CARS2: variants seen among roughly 807,000 people sequenced by gnomAD.
The protein encoded by CARS2 is probable cysteine--tRNA ligase, mitochondrial.
A neutral mutation model predicts 68.8 loss-of-function variants in CARS2; 52 were observed. The observed-to-expected ratio is 0.76, with a 90% CI of 0.61 to 0.95. The LOEUF (loss-of-function observed/expected upper bound fraction) is 0.95. Ranked by LOEUF, CARS2 falls within the 40% of genes least tolerant of loss-of-function variation. The probability of loss-of-function intolerance (pLI) is 0.00; values close to 1 mark genes in which losing one functional copy is unlikely to be tolerated. For missense variants in CARS2, 780 were observed against 754.2 expected (o/e 1.03, Z -0.40); for synonymous variants, 314 against 303.6 (o/e 1.03, Z -0.36).
At chr13:110,677,453 C>T (rs1253772608) in intron 6 of CARS2, among the ~76,000 whole-genome samples, 1 of 149,834 alleles carries the variant, frequency 6.7e-6, no homozygotes, top group East Asian at 2.0e-4. Flanking sequence ...CACAATCACC[C>T]CACCACGGAC....
rs77124736 is a variant in CARS2 at position 110,689,202 on chromosome 13, C to A, written c.394-1184G>T. Among the ~76,000 whole-genome samples the A allele has an allele frequency of 9.4e-4, 143 of 152,366 alleles. 1 individual carries two copies. The East Asian group carries it at 0.026, about 28-fold the overall frequency. ...TCTACATGAACAGATGCACAAGACACTGTGAAGCTCTGGAATGGAGCCGGG... is the reference window on the plus strand; with the variant it reads ...TCTACATGAACAGATGCACAAGACAATGTGAAGCTCTGGAATGGAGCCGGG... On this transcript the variant is annotated intron_variant, in intron 3 of 14. Transcript: ENST00000257347.
rs74127066 is a variant in CARS2 at position 110,646,185 on chromosome 13, G to A, written c.1194-95C>T. On this transcript the variant is annotated intron_variant, in intron 11 of 14. Coordinates refer to ENST00000257347, the MANE Select transcript of CARS2 (RefSeq NM_024537.4). ...CCTTCCCCAGGGAGAGACGCTGGGG[G>A]CTCTAATCTGGGGACTTTCTCTAGG... 4.0e-3 allele frequency: 5,638 copies of A among 1,407,696 alleles called. 217 individuals are homozygous for A. In the African/African-American group the frequency reaches 0.073, roughly 18 times the overall value. The allele number at this position is 1,407,696 out of a possible 1,614,324, so 87.2% of individuals were successfully genotyped here.
intron 3 of CARS2, among the ~76,000 whole-genome samples, chr13:110,691,404 T>C (rs2139876813): frequency 6.6e-6 from 1 of 152,366 alleles, no homozygotes; most frequent in African/African-American, 2.4e-5. Flanking sequence ...GGTTGTTTCA[T>C]GAAATGTAAA....
intron 4 of CARS2, 31 bp from the exon 5 acceptor site, chr13:110,687,857 C>T (rs1345613888): frequency 5.1e-6 from 8 of 1,571,620 alleles, no homozygotes; most frequent in South Asian, 1.1e-5. Flanking sequence ...GACCGTGTTT[C>T]CCTCGTGAGA....
chr13:110,658,367 G>C (rs935103968), intron 9 of CARS2, among the ~76,000 whole-genome samples: 3 of 152,152 alleles, frequency 2.0e-5, no homozygotes, highest in Non-Finnish European at 2.9e-5. Context: ...CCAAGGCCTG[G>C]GGAAAGGGGA....
At chr13:110,648,826 T>C (rs2062118547) in intron 10 of CARS2, 1 of 152,190 alleles carries the variant, frequency 6.6e-6, no homozygotes, top group African/African-American at 2.4e-5. Context: ...CAAAAAGAAC[T>C]GCACACAATT....
rs1887455785 is a variant in CARS2, at chr13:110,642,315, C to A, written c.1623G>T (p.Lys541Asn). The A allele has an allele frequency of 6.5e-7, 1 of 1,549,116 alleles. No homozygotes were observed. The highest frequency in any genetic ancestry group is 2.0e-5 in the Admixed American group (1 of 50,952). ...TCCCTGACCTTGGTGCGGCACTCAC[C>A]TTGATGTTGATGCCGTGGGCAGTCA... ...RGLTAHGINI[K>N]DRSSTTSTWE... Residue 541 changes from lysine (K) to asparagine (N), a missense_variant and splice_region_variant, in exon 14 of 15, where the codon AAG becomes AAT. Lys to Asn is a moderately conservative substitution (Grantham distance 94, BLOSUM62 0). Coordinates refer to ENST00000257347, the MANE Select transcript of CARS2 (RefSeq NM_024537.4).
chr13:110,642,431 C>A lies in CARS2; in HGVS notation c.1507G>T (p.Ala503Ser). The A allele has an allele frequency of 6.2e-7, 1 of 1,605,542 alleles. No homozygotes were observed. The highest frequency in any genetic ancestry group is 8.5e-7 in the Non-Finnish European group (1 of 1,176,544). ...GCGTCCCCCGTGGCCTCGGGCATGG[C>A]CAGCGCAAACTGCCGGACCTTCTGC... ...FRQKVRQFAL[A>S]MPEATGDARR... is the part of the protein sequence containing the mutation. Residue 503 changes from alanine (A) to serine (S), a missense_variant, in exon 14 of 15, where the codon GCC becomes TCC. Transcript: ENST00000257347.
chr13:110,642,866 C>A (rs184342934), intron 13 of CARS2: 98 of 544,288 alleles, frequency 1.8e-4, no homozygotes, highest in African/African-American at 1.6e-3. Context: ...GTATCAGGAG[C>A]AACCTGAGGA....
At chr13:110,655,572 A>T (rs982615852) in intron 9 of CARS2, among the ~76,000 whole-genome samples, 2 of 152,232 alleles carry the variant, frequency 1.3e-5, no homozygotes, top group Admixed American at 1.3e-4. Flanking sequence ...ATGTGTGCAC[A>T]CACACACCTG....
Position 110,647,216 on chromosome 13 carries a change from T to A in CARS2, c.1078A>T (p.Met360Leu), listed in dbSNP as rs747585829. ...AGGAGCAGCTGCTGAGCTTGGAGCA[T>A]GGCGCTGTCACTGTAGTCGATGGCT... ...RSAIDYSDSA[M>L]LQAQQLLLGL... is the part of the protein sequence containing the mutation. The change falls in exon 11 of 15, where the codon ATG becomes TTG. Residue 360 changes from methionine to leucine, a missense_variant. Physicochemically the swap from Met to Leu is conservative, Grantham distance 15 (BLOSUM62 2). Transcript: ENST00000257347. 1 of 1,613,212 alleles carries A rather than the reference T, an allele frequency of 6.2e-7. No individual in the cohort carries two copies. Among genetic ancestry groups the A allele is most frequent in the South Asian group, 1.1e-5 (1 of 91,054 alleles).
chr13:110,686,408 A>G (rs2063306271), intron 5 of CARS2, among the ~76,000 whole-genome samples: 2 of 151,360 alleles, frequency 1.3e-5, no homozygotes, highest in African/African-American at 4.9e-5. Context: ...ATGCCTAGCT[A>G]ATTTTTATAT....
intron 5 of CARS2, among the ~76,000 whole-genome samples, chr13:110,683,947 C>T (rs2063225053): frequency 6.6e-6 from 1 of 152,204 alleles, no homozygotes; most frequent in Non-Finnish European, 1.5e-5. Flanking sequence ...AGAACCTTCT[C>T]CAGAGCCTCC....
chr13:110,710,268 G>A (rs2064016082), upstream of CARS2, among the ~76,000 whole-genome samples: 1 of 152,146 alleles, frequency 6.6e-6, no homozygotes, highest in South Asian at 2.1e-4. Flanking sequence ...CGTAATCCCA[G>A]CTACTCAGGA....
intron 12 of CARS2, 181 bp from the exon 13 acceptor site, chr13:110,644,664 T>C: frequency 1.9e-6 from 2 of 1,041,174 alleles, no homozygotes; most frequent in African/African-American, 1.6e-5. Context: ...CATACAACTA[T>C]AGGTGCATGA....
intron 2 of CARS2, among the ~76,000 whole-genome samples, chr13:110,702,359 A>G (rs1398671762): frequency 2.6e-5 from 4 of 152,212 alleles, no homozygotes; most frequent in African/African-American, 9.6e-5. Flanking sequence ...TCAACAAGAT[A>G]ATTAACCTCT....
Position 110,688,013 on chromosome 13 carries a change from A to G in CARS2, c.399T>C (p.Asn133=). The G allele has an allele frequency of 6.2e-7, 1 of 1,607,606 alleles. No homozygotes were observed. The change falls in exon 4 of 15, where the codon AAT becomes AAC. Residue 133 remains asparagine, a synonymous_variant. Transcript: ENST00000257347. ...GACTGGCGAGGGAAGCGGGGGAAAT[A>G]TTCATCTGCAGAAGGATTAGATGTG... ...DKIIKRANEM[N]ISPASLASLY...
In CARS2 at chr13:110,644,486, G is replaced by A; in HGVS notation, c.1318-3C>T. 1 of 1,613,976 alleles carries A rather than the reference G, an allele frequency of 6.2e-7. No individual in the cohort carries two copies. The highest frequency in any genetic ancestry group is 8.5e-7 in the Non-Finnish European group (1 of 1,179,980). ...GGACTTCTCGGCCCTTCAGGTTCCTGTAAGAGATCATGTCGCAGAAGCTCC... is the reference window on the plus strand; with the variant it reads ...GGACTTCTCGGCCCTTCAGGTTCCTATAAGAGATCATGTCGCAGAAGCTCC... On this transcript the variant is annotated splice_polypyrimidine_tract_variant and splice_region_variant and intron_variant, in intron 12 of 14. Transcript: ENST00000257347.
At chr13:110,681,240 G>A (rs1451191075) in intron 6 of CARS2, among the ~76,000 whole-genome samples, 1 of 151,234 alleles carries the variant, frequency 6.6e-6, no homozygotes, top group Admixed American at 6.6e-5. Flanking sequence ...TTCTATTGTT[G>A]TGTTATTACA....
Sources: gnomAD v4.1 joint callset for allele counts (sites outside exome capture counted in the v4.1 genomes callset) on GRCh38, gnomAD v4.1.1 for gene constraint, MANE v1.5 for transcripts, NCBI Gene and HGNC (gene_info 2026-07-23, HGNC 2026-07-21) for gene names.